CSMD1: variants seen among roughly 807,000 people sequenced by gnomAD.
The protein encoded by CSMD1 is CUB and Sushi multiple domains 1, also known as CUB and sushi domain-containing protein 1.
In CSMD1, 213 loss-of-function variants were observed where a neutral mutation model predicts 417.5. The ratio of observed to expected loss-of-function variants is 0.51; its 90% CI spans 0.46 to 0.57. The LOEUF is 0.57. CSMD1 is among the 20% of genes least tolerant of loss of function. The probability of loss-of-function intolerance (pLI) is 0.00; values close to 1 mark genes in which losing one functional copy is unlikely to be tolerated. For synonymous variants in CSMD1, 2,862 were observed against 1,736.8 expected (o/e 1.65, Z -16.11); for missense variants, 6,923 against 4,529.7 (o/e 1.53, Z -15.17).
At chr8:4,411,330 T>A (rs1796639938) in intron 3 of CSMD1, among the ~76,000 whole-genome samples, 2 of 152,042 alleles carry the variant, frequency 1.3e-5, no homozygotes, top group African/African-American at 4.8e-5. Context: ...TTTCTGTGAG[T>A]GGATTTCTAT....
intron 3 of CSMD1, among the ~76,000 whole-genome samples, chr8:4,071,782 G>A (rs1317685189): frequency 2.6e-5 from 4 of 152,020 alleles, no homozygotes; most frequent in African/African-American, 4.8e-5. Context: ...TTATTCCTTG[G>A]CAGGAAATTA....
chr8:3,915,691 A>T (rs1584957926), intron 5 of CSMD1, among the ~76,000 whole-genome samples: 1 of 151,340 alleles, frequency 6.6e-6, no homozygotes. Context: ...GTAGAACTCT[A>T]TCTCTGTTAT....
intron 1 of CSMD1, among the ~76,000 whole-genome samples, chr8:4,817,990 G>A (rs1050946370): frequency 6.6e-6 from 1 of 152,108 alleles, no homozygotes; most frequent in Non-Finnish European, 1.5e-5. Flanking sequence ...TCACATTGAG[G>A]TATTATGCAT....
chr8:4,974,839 A>G (rs931965851), intron 1 of CSMD1, among the ~76,000 whole-genome samples: 1 of 152,190 alleles, frequency 6.6e-6, no homozygotes, highest in Non-Finnish European at 1.5e-5. Flanking sequence ...ATGATGATGT[A>G]TGTTATTAAG....
intron 5 of CSMD1, among the ~76,000 whole-genome samples, chr8:3,845,348 C>T (rs1048058726): frequency 2.6e-5 from 4 of 152,172 alleles, no homozygotes; most frequent in African/African-American, 4.8e-5. Context: ...CAGCATGTTG[C>T]TCCTGGACCA....
At chr8:4,267,218 C>A (rs1338346059) in intron 3 of CSMD1, among the ~76,000 whole-genome samples, 4 of 103,384 alleles carry the variant, frequency 3.9e-5, no homozygotes, top group African/African-American at 1.0e-4. Context: ...CCATTAACAA[C>A]AGTTATTAAA....
intron 3 of CSMD1, among the ~76,000 whole-genome samples, chr8:4,055,353 T>C (rs1309119398): frequency 6.6e-6 from 1 of 152,124 alleles, no homozygotes; most frequent in African/African-American, 2.4e-5. Context: ...AATATCCTTT[T>C]TATAATTATT....
At chr8:3,835,720 C>CAA (rs34306675) in intron 5 of CSMD1, among the ~76,000 whole-genome samples, 2,391 of 144,790 alleles carry the variant, frequency 0.017, 43 homozygotes, top group African/African-American at 0.05. Context: ...ATAAAATTAA[C>CAA]AAAAAAAAAA....
At chr8:3,466,172 A>T (rs892623166) in intron 12 of CSMD1, among the ~76,000 whole-genome samples, 1 of 152,146 alleles carries the variant, frequency 6.6e-6, no homozygotes, top group African/African-American at 2.4e-5. Flanking sequence ...TTGATTTTTC[A>T]ATAAAATTAT....
At chr8:3,861,906 G>A (rs532363884) in intron 5 of CSMD1, among the ~76,000 whole-genome samples, 1 of 152,126 alleles carries the variant, frequency 6.6e-6, no homozygotes, top group Non-Finnish European at 1.5e-5. Context: ...CAACATGCCT[G>A]CATTCCAGGA....
intron 3 of CSMD1, among the ~76,000 whole-genome samples, chr8:4,383,987 G>A (rs542889571): frequency 6.6e-6 from 1 of 152,240 alleles, no homozygotes; most frequent in Admixed American, 6.5e-5. Context: ...CCTTTAAGTA[G>A]CACTTGGACA....
At chr8:4,816,401 G>T (rs1466928963) in intron 1 of CSMD1, among the ~76,000 whole-genome samples, 1 of 151,930 alleles carries the variant, frequency 6.6e-6, no homozygotes, top group African/African-American at 2.4e-5. Context: ...GGGGCACTGT[G>T]GGGTGGTGGA....
At chr8:3,110,362 G>A (rs752631469) in intron 42 of CSMD1, 27 bp from the exon 43 acceptor site, 8 of 1,554,292 alleles carry the variant, frequency 5.1e-6, no homozygotes, top group Non-Finnish European at 6.9e-6. Flanking sequence ...GAAAAAACAA[G>A]CGCCATACAG....
intron 1 of CSMD1, among the ~76,000 whole-genome samples, chr8:4,957,250 G>C (rs1428491333): frequency 1.3e-5 from 2 of 152,138 alleles, no homozygotes; most frequent in Non-Finnish European, 2.9e-5. Flanking sequence ...GTTGCCTTCA[G>C]GAATCCTGGA....
intron 2 of CSMD1, among the ~76,000 whole-genome samples, chr8:4,512,196 C>T (rs2130349769): frequency 1.3e-5 from 2 of 152,236 alleles, no homozygotes; most frequent in African/African-American, 4.8e-5. Flanking sequence ...ATGATCACAT[C>T]AACACATGCA....
intron 10 of CSMD1, among the ~76,000 whole-genome samples, chr8:3,518,678 C>T (rs1797381047): frequency 6.6e-6 from 1 of 152,082 alleles, no homozygotes; most frequent in Admixed American, 6.5e-5. Flanking sequence ...AACAACTAAT[C>T]ATGCCCCAAA....
chr8:4,817,873 G>C (rs1386517800), intron 1 of CSMD1, among the ~76,000 whole-genome samples: 1 of 152,132 alleles, frequency 6.6e-6, no homozygotes, highest in Non-Finnish European at 1.5e-5. Context: ...TGATATGATA[G>C]AGTTTCAGCA....
At chr8:4,905,866 C>G (rs1241213431) in intron 1 of CSMD1, among the ~76,000 whole-genome samples, 3 of 139,490 alleles carry the variant, frequency 2.2e-5, no homozygotes, top group African/African-American at 5.1e-5. Context: ...AGAAATCTTA[C>G]TATCCTTAAA....
At chr8:4,174,376 G>C (rs114979761) in intron 3 of CSMD1, among the ~76,000 whole-genome samples, 2,355 of 152,146 alleles carry the variant, frequency 0.015, 58 homozygotes, top group African/African-American at 0.054. Flanking sequence ...CAAGTCATTT[G>C]CGCAAGGCCT....
Sources: allele counts gnomAD v4.1 joint callset (sites outside exome capture counted in the v4.1 genomes callset), GRCh38; gene constraint gnomAD v4.1.1; transcripts MANE v1.5; gene names NCBI Gene and HGNC (gene_info 2026-07-23, HGNC 2026-07-21).